Variants in CACNA2D1 observed in about 807,000 individuals in gnomAD.
The protein encoded by CACNA2D1 is calcium voltage-gated channel auxiliary subunit alpha2delta 1, also known as voltage-dependent calcium channel subunit alpha-2/delta-1.
CACNA2D1 carries 53 observed loss-of-function variants against 171.5 expected under a neutral mutation model. The observed-to-expected ratio is 0.31, with a 90% CI of 0.25 to 0.39. The LOEUF (loss-of-function observed/expected upper bound fraction) is 0.39, where lower values mean the gene tolerates loss of function less well. CACNA2D1 is among the 10% of genes least tolerant of loss of function. CACNA2D1 has a pLI of 1.00. For synonymous variants in CACNA2D1, 442 were observed against 443.1 expected (o/e 1.00, Z 0.03); for missense variants, 903 against 1,299.8 (o/e 0.69, Z 4.69).
chr7:82,096,133 A>C (rs1811833355), intron 6 of CACNA2D1, among the ~76,000 whole-genome samples: 1 of 152,228 alleles, frequency 6.6e-6, no homozygotes, highest in African/African-American at 2.4e-5. Context: ...TGAGCACGAG[A>C]ATAGGCACAC....
intron 2 of CACNA2D1, among the ~76,000 whole-genome samples, chr7:82,342,345 G>A (rs1481259163): frequency 6.6e-6 from 1 of 152,144 alleles, no homozygotes; most frequent in African/African-American, 2.4e-5. Context: ...TCACTGGTAC[G>A]TAACCAGCGC....
At chr7:82,304,833 T>C (rs938727790) in intron 3 of CACNA2D1, among the ~76,000 whole-genome samples, 7 of 152,078 alleles carry the variant, frequency 4.6e-5, no homozygotes, top group African/African-American at 1.7e-4. Context: ...TTAACAACAA[T>C]GTATTGTATA....
chr7:81,958,572 T>A (rs904313479), intron 38 of CACNA2D1, among the ~76,000 whole-genome samples: 2 of 151,818 alleles, frequency 1.3e-5, no homozygotes, highest in African/African-American at 4.9e-5. Context: ...CTACCTTGTA[T>A]ATAATCAATA....
Position 81,971,826 on chromosome 7 carries a change from C to T in CACNA2D1, c.2092G>A (p.Gly698Ser). ...DLINRVLLDAGFTNELVQNYW... is the reference protein window; with the variant it reads ...DLINRVLLDASFTNELVQNYW... ...TTTTGGACAAGTTCATTTGTAAAGC[C>T]TGCATCAAGCAAGACTCTATTAATC... The change falls in exon 26 of 39, where the codon GGC becomes AGC. Residue 698 changes from glycine (G) to serine (S), a missense_variant. By Grantham distance (56) the Gly-to-Ser change is moderately conservative (BLOSUM62 0). Coordinates refer to ENST00000356860, the MANE Select transcript of CACNA2D1 (RefSeq NM_000722.4). The T allele has an allele frequency of 6.2e-7, 1 of 1,608,698 alleles. No homozygotes were observed. The highest frequency in any genetic ancestry group is 8.5e-7 in the Non-Finnish European group (1 of 1,175,962).
At chr7:82,070,105 A>C (rs1039133164) in intron 7 of CACNA2D1, among the ~76,000 whole-genome samples, 4 of 152,090 alleles carry the variant, frequency 2.6e-5, no homozygotes, top group Admixed American at 2.6e-4. Context: ...AATTTCCATA[A>C]ATTTCAGTGT....
At chr7:82,106,279 G>C (rs1232568223) in intron 6 of CACNA2D1, among the ~76,000 whole-genome samples, 1 of 151,962 alleles carries the variant, frequency 6.6e-6, no homozygotes, top group African/African-American at 2.4e-5. Flanking sequence ...TCAAATTCCA[G>C]ACCCCCATTT....
chr7:82,182,766 G>A lies in CACNA2D1; in HGVS notation c.295-12157C>T, dbSNP rs1053442775. Among the ~76,000 whole-genome samples the A allele has an allele frequency of 4.6e-5, 7 of 152,026 alleles. No individual in the cohort carries two copies. In the East Asian group the frequency reaches 9.7e-4, roughly 21 times the overall value. Reference sequence around the variant, plus strand: ...GAATAAAAATTGATTGCCCAGGCACGGTGGGTCCCACCTATAATCCCAGCA... The same window carrying A: ...GAATAAAAATTGATTGCCCAGGCACAGTGGGTCCCACCTATAATCCCAGCA... On this transcript the variant is annotated intron_variant, in intron 3 of 38. Coordinates refer to ENST00000356860, the MANE Select transcript of CACNA2D1 (RefSeq NM_000722.4).
intron 11 of CACNA2D1, among the ~76,000 whole-genome samples, chr7:82,033,815 ATTATC>A (rs1485579149): frequency 6.6e-6 from 1 of 152,100 alleles, no homozygotes; most frequent in African/African-American, 2.4e-5. Flanking sequence ...GTCCAAAATT[ATTATC>A]TTAACTTTTC....
intron 7 of CACNA2D1, among the ~76,000 whole-genome samples, chr7:82,077,169 A>G (rs988809384): frequency 1.3e-5 from 2 of 152,214 alleles, no homozygotes; most frequent in Non-Finnish European, 2.9e-5. Flanking sequence ...TTGTTATTTT[A>G]AAACACAAAT....
intron 3 of CACNA2D1, among the ~76,000 whole-genome samples, chr7:82,288,185 T>C (rs1049144422): frequency 2.0e-5 from 3 of 152,104 alleles, no homozygotes; most frequent in Admixed American, 2.0e-4. Context: ...GAGTAAACTT[T>C]CCTGCAATTC....
chr7:82,296,282 T>C (rs1462439770), intron 3 of CACNA2D1, among the ~76,000 whole-genome samples: 1 of 151,624 alleles, frequency 6.6e-6, no homozygotes, highest in Non-Finnish European at 1.5e-5. Flanking sequence ...AAAAAACATG[T>C]AGATTCTGAA....
At chr7:82,334,541 A>G (rs904488924) in intron 3 of CACNA2D1, among the ~76,000 whole-genome samples, 4 of 152,210 alleles carry the variant, frequency 2.6e-5, no homozygotes, top group African/African-American at 9.6e-5. Flanking sequence ...TAAATCATAC[A>G]AACACAATGT....
At chr7:82,327,147 C>T (rs1425034041) in intron 3 of CACNA2D1, among the ~76,000 whole-genome samples, 1 of 152,218 alleles carries the variant, frequency 6.6e-6, no homozygotes, top group Non-Finnish European at 1.5e-5. Flanking sequence ...TTCCATAAAA[C>T]TCATATTAAA....
Position 81,950,305 on chromosome 7 carries a change from G to GCTGACC in CACNA2D1, c.*81_*86dup. Reference sequence around the variant, plus strand: ...CAGCTAATGTTTGTCTGATTTTATAGCTGACCCTACGTTACTGTAATTGAG... The same window carrying GCTGACC: ...CAGCTAATGTTTGTCTGATTTTATAGCTGACCCTGACCCTACGTTACTGTAATTGAG... On this transcript the variant is annotated 3_prime_UTR_variant, in exon 39 of 39. Transcript: ENST00000356860. The GCTGACC allele has an allele frequency of 6.2e-7, 1 of 1,611,090 alleles. No homozygotes were observed. Among genetic ancestry groups the GCTGACC allele is most frequent in the Non-Finnish European group, 8.5e-7 (1 of 1,178,326 alleles).
intron 3 of CACNA2D1, among the ~76,000 whole-genome samples, chr7:82,294,977 T>C (rs1213422975): frequency 2.6e-5 from 4 of 152,164 alleles, no homozygotes; most frequent in Non-Finnish European, 4.4e-5. Context: ...TAGTTATAAT[T>C]TGTCAATATT....
At chr7:82,046,676 T>C (rs1804593457) in intron 10 of CACNA2D1, among the ~76,000 whole-genome samples, 1 of 152,092 alleles carries the variant, frequency 6.6e-6, no homozygotes. Context: ...GACAAAAATG[T>C]AAATATGGAA....
intron 3 of CACNA2D1, among the ~76,000 whole-genome samples, chr7:82,309,778 T>C (rs78682954): frequency 0.014 from 2,177 of 152,280 alleles, 20 homozygotes; most frequent in Middle Eastern, 0.027. Context: ...TCCTCTGTCC[T>C]GGGTTGTAAA....
chr7:82,341,007 C>T (rs1818561609), intron 2 of CACNA2D1, among the ~76,000 whole-genome samples: 1 of 152,158 alleles, frequency 6.6e-6, no homozygotes, highest in Non-Finnish European at 1.5e-5. Context: ...CAGATACCCA[C>T]AAAATCAATT....
At chr7:82,185,063 G>C (rs956838094) in intron 3 of CACNA2D1, among the ~76,000 whole-genome samples, 3 of 152,098 alleles carry the variant, frequency 2.0e-5, no homozygotes, top group African/African-American at 4.8e-5. Flanking sequence ...CCTACCTGAT[G>C]AAAGAAGTTA....
Sources: allele counts gnomAD v4.1 joint callset (sites outside exome capture counted in the v4.1 genomes callset), GRCh38; gene constraint gnomAD v4.1.1; transcripts MANE v1.5; gene names NCBI Gene and HGNC (gene_info 2026-07-23, HGNC 2026-07-21).